Variants in DDX1 observed in about 807,000 individuals in gnomAD.
DDX1 encodes the protein DEAD-box helicase 1.
A neutral mutation model predicts 108.7 loss-of-function variants in DDX1; 28 were observed. The observed-to-expected ratio is 0.26, with a 90% CI of 0.19 to 0.35. The LOEUF (loss-of-function observed/expected upper bound fraction) is 0.35, where lower values mean the gene tolerates loss of function less well. Among genes scored for constraint, DDX1 ranks in the 10% least tolerant of loss-of-function variants. The probability of loss-of-function intolerance (pLI) is 1.00; values close to 1 mark genes in which losing one functional copy is unlikely to be tolerated. For missense variants in DDX1, 710 were observed against 884.5 expected, an observed-to-expected ratio of 0.80 and a Z score of 2.50; for synonymous variants, 295 against 288.9, an observed-to-expected ratio of 1.02 and a Z score of -0.21.
chr2:15,599,341 C>G (rs1017853657), intron 5 of DDX1, among the ~76,000 whole-genome samples: 1 of 151,744 alleles, frequency 6.6e-6, no homozygotes, highest in African/African-American at 2.4e-5. Context: ...GAGTCTCGCT[C>G]TGTCGCCCAG....
chr2:15,605,025 C>T lies in DDX1; in HGVS notation c.625+516C>T, dbSNP rs148653500. On this transcript the variant is annotated intron_variant, in intron 10 of 25. Transcript: ENST00000233084. ...TCTGGAGTGCTCTGGGGATAAAGGA[C>T]GGTGGTAGAATGTTAGATGAGTGAG... Among the ~76,000 whole-genome samples the T allele has an allele frequency of 3.9e-5, 6 of 152,072 alleles. No individual in the cohort carries two copies. In the East Asian group the frequency reaches 7.7e-4, roughly 20 times the overall value.
chr2:15,611,327 C>G, intron 13 of DDX1, among the ~76,000 whole-genome samples: 1 of 89,928 alleles, frequency 1.1e-5, no homozygotes, highest in South Asian at 3.8e-4. Flanking sequence ...CCACTCTTTT[C>G]CCCACCTCTC....
chr2:15,629,545 A>C, intron 23 of DDX1, 57 bp from the exon 24 acceptor site: 1 of 1,244,180 alleles, frequency 8.0e-7, no homozygotes. Context: ...TTAGAATAAG[A>C]TATTTAGCAT....
chr2:15,611,311 G>A (rs7571438), intron 13 of DDX1, among the ~76,000 whole-genome samples: 37,871 of 151,250 alleles, frequency 0.25, 5,675 homozygotes, highest in East Asian at 0.42. Flanking sequence ...GCAACCATCC[G>A]ATTTCCCACT....
Position 15,618,229 on chromosome 2 carries a change from A to G in DDX1, c.1165A>G (p.Asn389Asp). ...GYSDFINRMH[N>D]QIPQVTSDGK... ...TTCTGATTTTATAAATAGGATGCAC[A>G]ATCAGATTCCTCAGGTTACCTCTGA... The change falls in exon 16 of 26, where the codon AAT (asparagine) becomes GAT (aspartate). Residue 389 changes from asparagine to aspartate, a missense_variant. Physicochemically the swap from Asn to Asp is conservative, Grantham distance 23. Around this residue, in one of 3 missense-constraint regions of DDX1, gnomAD observed 661 missense variants for 810.2 expected, o/e 0.82. Coordinates refer to ENST00000233084, the MANE Select transcript of DDX1 (RefSeq NM_004939.3). 6.3e-7 allele frequency: 1 copy of G among 1,593,722 alleles called. No individual in the cohort carries two copies. Among genetic ancestry groups the G allele is most frequent in the Non-Finnish European group, 8.6e-7 (1 of 1,165,506 alleles).
chr2:15,612,455 C>T (rs913538954), intron 13 of DDX1, among the ~76,000 whole-genome samples: 12 of 150,096 alleles, frequency 8.0e-5, no homozygotes, highest in South Asian at 2.1e-4. Context: ...GGATGGTGGC[C>T]GGGAAGAGGT....
intron 6 of DDX1, among the ~76,000 whole-genome samples, chr2:15,600,893 T>C (rs1371891103): frequency 6.6e-6 from 1 of 151,490 alleles, no homozygotes; most frequent in Non-Finnish European, 1.5e-5. Flanking sequence ...TCCCCAGGAG[T>C]TGGATCCAAC....
At chr2:15,607,393 T>C (rs1665681258) in intron 13 of DDX1, 80 bp downstream of exon 13, 3 of 1,351,360 alleles carry the variant, frequency 2.2e-6, no homozygotes, top group East Asian at 2.4e-5. Context: ...TAGAGAAAAA[T>C]GAAGTAGAAA....
At chr2:15,607,516 G>C (rs1292731085) in intron 13 of DDX1, among the ~76,000 whole-genome samples, 3 of 80,462 alleles carry the variant, frequency 3.7e-5, no homozygotes, top group African/African-American at 1.7e-4. Flanking sequence ...TTAAAATTGA[G>C]ATTTTTTTTT....
At chr2:15,605,401 A>G (rs936434808) in intron 10 of DDX1, among the ~76,000 whole-genome samples, 2 of 152,166 alleles carry the variant, frequency 1.3e-5, no homozygotes, top group African/African-American at 2.4e-5. Flanking sequence ...TTGAAGGATC[A>G]GGGAGCAATC....
intron 14 of DDX1, among the ~76,000 whole-genome samples, chr2:15,615,192 G>C (rs1665872713): frequency 6.6e-6 from 1 of 152,214 alleles, no homozygotes; most frequent in South Asian, 2.1e-4. Flanking sequence ...TTGGCAATGA[G>C]AGTAGAAGAA....
Position 15,620,987 on chromosome 2 carries a change from C to T in DDX1, c.1396-78C>T. On this transcript the variant is annotated intron_variant, in intron 17 of 25. Coordinates refer to ENST00000233084, the MANE Select transcript of DDX1 (RefSeq NM_004939.3). ...CAGTCTAAAGACAAATATAAATCTC[C>T]CTTTTAAAACATGACATATATTCTG... The T allele has an allele frequency of 4.5e-6, 4 of 883,162 alleles. No homozygotes were observed. The Admixed American group carries it at 6.8e-5, about 15-fold the overall frequency. The allele number at this position is 883,162 out of a possible 1,614,324, so 54.7% of individuals were successfully genotyped here.
intron 13 of DDX1, among the ~76,000 whole-genome samples, chr2:15,608,768 A>G (rs1665711004): frequency 6.8e-6 from 1 of 147,444 alleles, no homozygotes; most frequent in Non-Finnish European, 1.5e-5. Context: ...TTGAACTCCT[A>G]GACTCAAGGA....
chr2:15,630,855 A>G lies in DDX1; in HGVS notation c.2172A>G (p.Thr724=), dbSNP rs200882148. The G allele has an allele frequency of 8.4e-5, 135 of 1,614,146 alleles. No individual in the cohort carries two copies. In the East Asian group the frequency reaches 2.9e-3, roughly 34 times the overall value. Residue 724 remains threonine, a synonymous_variant, in exon 26 of 26, where the codon ACA becomes ACG. Transcript: ENST00000233084. ...ELAALEKEAQ[T]SFLHLGYLPN... ...CTGCCCTTGAAAAGGAGGCGCAGACATCTTTCCTGCATCTTGGCTACCTTC... is the reference window on the plus strand; with the variant it reads ...CTGCCCTTGAAAAGGAGGCGCAGACGTCTTTCCTGCATCTTGGCTACCTTC...
chr2:15,596,670 T>C, intron 3 of DDX1, 64 bp from the exon 4 acceptor site: 2 of 1,333,370 alleles, frequency 1.5e-6, no homozygotes, highest in Non-Finnish European at 2.1e-6. Flanking sequence ...CATACTATGG[T>C]GTTAGTTTGA....
At chr2:15,616,165 G>A (rs552536660) in intron 14 of DDX1, among the ~76,000 whole-genome samples, 16 of 152,108 alleles carry the variant, frequency 1.1e-4, no homozygotes, top group Non-Finnish European at 1.8e-4. Context: ...TGCCTGCCTC[G>A]GCCTCCCAAA....
chr2:15,601,506 A>G (rs1308748351), intron 6 of DDX1, among the ~76,000 whole-genome samples: 46 of 152,142 alleles, frequency 3.0e-4, no homozygotes, highest in Non-Finnish European at 1.5e-5. Flanking sequence ...GGCTCACAGA[A>G]CTCGGGGAAA....
chr2:15,594,517 A>G (rs920591672), intron 1 of DDX1, among the ~76,000 whole-genome samples: 3 of 152,206 alleles, frequency 2.0e-5, no homozygotes, highest in Admixed American at 6.5e-5. Context: ...AGAATTATTG[A>G]GATATGTATA....
chr2:15,613,498 A>G (rs1328307735), intron 14 of DDX1, among the ~76,000 whole-genome samples: 1 of 152,222 alleles, frequency 6.6e-6, no homozygotes, highest in Non-Finnish European at 1.5e-5. Context: ...TCCAGCATAC[A>G]TGATTTTTTG....
Sources: gnomAD v4.1 joint callset for allele counts (sites outside exome capture counted in the v4.1 genomes callset) on GRCh38, gnomAD v4.1.1 for gene constraint, gnomAD v4.1.1 regional missense constraint, MANE v1.5 for transcripts, NCBI Gene and HGNC (gene_info 2026-07-23, HGNC 2026-07-21) for gene names.